The following FAT3 variants were observed in gnomAD, a reference collection of about 807,000 sequenced individuals.
FAT3 encodes the protein FAT atypical cadherin 3, also known as protocadherin Fat 3.
A neutral mutation model predicts 310.2 loss-of-function variants in FAT3; 95 were observed. The ratio of observed to expected loss-of-function variants is 0.31; its 90% CI spans 0.26 to 0.36. FAT3 has a LOEUF of 0.36. Ranked by LOEUF, FAT3 falls within the 10% of genes least tolerant of loss-of-function variation. The pLI, the probability that FAT3 is intolerant of heterozygous loss-of-function variation, is 1.00. For synonymous variants in FAT3, 2,314 were observed against 2,192.9 expected (o/e 1.06, Z -1.54); for missense variants, 5,408 against 5,715.6 (o/e 0.95, Z 1.74).
At chr11:92,274,127 C>T (rs1252740576) in intron 1 of FAT3, among the ~76,000 whole-genome samples, 2 of 152,090 alleles carry the variant, frequency 1.3e-5, no homozygotes, top group Non-Finnish European at 2.9e-5. Flanking sequence ...TTTGTATCCT[C>T]AATATCCTTT....
intron 3 of FAT3, among the ~76,000 whole-genome samples, chr11:92,534,311 C>G (rs183455552): frequency 7.4e-4 from 113 of 152,254 alleles, no homozygotes; most frequent in African/African-American, 2.6e-3. Context: ...GGGCTCTGGG[C>G]ACAAAAGTGG....
At chr11:92,746,250 C>T (rs779678375) in intron 4 of FAT3, among the ~76,000 whole-genome samples, 5 of 152,202 alleles carry the variant, frequency 3.3e-5, no homozygotes, top group Non-Finnish European at 7.3e-5. Flanking sequence ...TCAAGTTCCA[C>T]ATGGCTGGGG....
chr11:92,748,873 A>T (rs1360713355), intron 4 of FAT3: 1 of 151,936 alleles, frequency 6.6e-6, no homozygotes, highest in African/African-American at 2.4e-5. Context: ...TTTATCTTCA[A>T]GAGTTGCTGT....
chr11:92,311,108 T>A (rs1466159372), intron 1 of FAT3, among the ~76,000 whole-genome samples: 4 of 152,050 alleles, frequency 2.6e-5, no homozygotes, highest in Admixed American at 2.0e-4. Flanking sequence ...CTTAAGGTTA[T>A]GCTTTTAATC....
intron 4 of FAT3, among the ~76,000 whole-genome samples, chr11:92,703,095 A>C (rs543808890): frequency 6.6e-6 from 1 of 152,220 alleles, no homozygotes; most frequent in Non-Finnish European, 1.5e-5. Flanking sequence ...CCTCTGTAAC[A>C]TACAACTCAT....
intron 25 of FAT3, among the ~76,000 whole-genome samples, chr11:92,888,055 A>G (rs550678931): frequency 6.6e-6 from 1 of 152,334 alleles, no homozygotes; most frequent in Non-Finnish European, 1.5e-5. Context: ...AAAATGAGAA[A>G]GGCATAGCCC....
intron 3 of FAT3, among the ~76,000 whole-genome samples, chr11:92,653,829 T>C (rs1214503089): frequency 6.6e-6 from 1 of 152,198 alleles, no homozygotes; most frequent in East Asian, 1.9e-4. Flanking sequence ...TATTTTTCAC[T>C]AGAATAGATT....
intron 18 of FAT3, among the ~76,000 whole-genome samples, chr11:92,842,724 A>C (rs1948583196): frequency 6.6e-6 from 1 of 152,090 alleles, no homozygotes; most frequent in African/African-American, 2.4e-5. Flanking sequence ...CAAAAACAAA[A>C]AAAAAGTAGC....
chr11:92,533,088 C>T (rs1356784919), intron 3 of FAT3, among the ~76,000 whole-genome samples: 3 of 152,060 alleles, frequency 2.0e-5, no homozygotes, highest in African/African-American at 7.2e-5. Flanking sequence ...GGCTGGAGTG[C>T]AGTAGCATGA....
At chr11:92,820,958 G>A (rs1023413196) in intron 13 of FAT3, among the ~76,000 whole-genome samples, 1 of 152,152 alleles carries the variant, frequency 6.6e-6, no homozygotes, top group Non-Finnish European at 1.5e-5. Context: ...CAGATCAATG[G>A]CAATTAAAAC....
chr11:92,415,780 C>A (rs1170134872), intron 2 of FAT3, among the ~76,000 whole-genome samples: 1 of 151,172 alleles, frequency 6.6e-6, no homozygotes, highest in Non-Finnish European at 1.5e-5. Flanking sequence ...CTCCTACCAC[C>A]CCAAAGTTGA....
intron 2 of FAT3, among the ~76,000 whole-genome samples, chr11:92,398,407 A>C (rs1034677137): frequency 6.6e-6 from 1 of 150,436 alleles, no homozygotes; most frequent in Admixed American, 6.7e-5. Flanking sequence ...AGGCTGAGGC[A>C]GGAGAATTGC....
intron 4 of FAT3, among the ~76,000 whole-genome samples, chr11:92,739,421 G>A (rs889005296): frequency 1.3e-5 from 2 of 152,126 alleles, no homozygotes; most frequent in Admixed American, 6.6e-5. Flanking sequence ...TTGCCTTAAA[G>A]CCTATTCAAG....
intron 3 of FAT3, among the ~76,000 whole-genome samples, chr11:92,579,635 A>G (rs1319385216): frequency 6.6e-6 from 1 of 152,066 alleles, no homozygotes; most frequent in Non-Finnish European, 1.5e-5. Context: ...CAGGACCCCA[A>G]TCAAATGCTA....
chr11:92,629,132 G>A (rs961505227), intron 3 of FAT3, among the ~76,000 whole-genome samples: 15 of 152,222 alleles, frequency 9.9e-5, no homozygotes, highest in Non-Finnish European at 2.1e-4. Flanking sequence ...GCACTCTCTA[G>A]CAGGGCCAAC....
intron 3 of FAT3, among the ~76,000 whole-genome samples, chr11:92,526,800 A>G (rs1386658557): frequency 6.6e-6 from 1 of 152,156 alleles, no homozygotes; most frequent in Non-Finnish European, 1.5e-5. Context: ...TTTAAAAAGC[A>G]TTTTTGCCAG....
At chr11:92,783,249 T>G (rs549416011) in intron 7 of FAT3, among the ~76,000 whole-genome samples, 1 of 151,488 alleles carries the variant, frequency 6.6e-6, no homozygotes, top group East Asian at 2.0e-4. Context: ...TGCCAGCTAC[T>G]TGGGAGGCTG....
Position 92,488,783 on chromosome 11 carries a change from T to C in FAT3, c.3293-35851T>C, listed in dbSNP as rs561213866. Among the ~76,000 whole-genome samples, 129 of 152,186 alleles carry C rather than the reference T, an allele frequency of 8.5e-4. 2 individuals are homozygous for C. Among genetic ancestry groups the C allele is most frequent in the Non-Finnish European group, 9.1e-4 (62 of 67,990 alleles). ...CCTCAGCCTGGATGAGGAGTCTTTG[T>C]TACACACTGACTAAAAGCACGGGCA... is the stretch of plus-strand genomic sequence containing the variant. On this transcript the variant is annotated intron_variant, in intron 2 of 27. Coordinates refer to ENST00000525166, the MANE Select transcript of FAT3 (RefSeq NM_001367949.2).
At chr11:92,716,274 A>G (rs778911862) in intron 4 of FAT3, among the ~76,000 whole-genome samples, 1 of 152,188 alleles carries the variant, frequency 6.6e-6, no homozygotes, top group Non-Finnish European at 1.5e-5. Context: ...GCTGGTGTTC[A>G]GTAGCAGGCA....
Sources: gnomAD v4.1 joint callset for allele counts (sites outside exome capture counted in the v4.1 genomes callset) on GRCh38, gnomAD v4.1.1 for gene constraint, MANE v1.5 for transcripts, NCBI Gene and HGNC (gene_info 2026-07-23, HGNC 2026-07-21) for gene names.